SEMA4B: variants seen among roughly 807,000 people sequenced by gnomAD.
The protein encoded by SEMA4B is semaphorin 4B.
Under a neutral mutation model 88.1 loss-of-function variants are expected in SEMA4B, and 55 were observed. The observed-to-expected ratio is 0.62, with a 90% confidence interval of 0.50 to 0.78. The LOEUF (loss-of-function observed/expected upper bound fraction) is 0.78. Among genes scored for constraint, SEMA4B ranks in the 30% least tolerant of loss-of-function variants. SEMA4B has a pLI of 0.00. For missense variants in SEMA4B, 1,062 were observed against 1,111.9 expected (o/e 0.96, Z 0.64); for synonymous variants, 525 against 473.6 (o/e 1.11, Z -1.41).
At chr15:90,194,051 C>T (rs181787486) in intron 1 of SEMA4B, among the ~76,000 whole-genome samples, 2 of 151,884 alleles carry the variant, frequency 1.3e-5, no homozygotes, top group Non-Finnish European at 2.9e-5. Context: ...AGCGTTTCAT[C>T]ATGTTGGCCA....
upstream of SEMA4B, among the ~76,000 whole-genome samples, chr15:90,198,392 A>C (rs960384844): frequency 6.6e-6 from 1 of 152,206 alleles, no homozygotes; most frequent in African/African-American, 2.4e-5. Context: ...GAGATACATT[A>C]CTTAACAAAC....
chr15:90,227,545 T>C lies in SEMA4B; in HGVS notation c.1689-12T>C. 1 of 1,613,572 alleles carries C rather than the reference T, an allele frequency of 6.2e-7. No homozygotes were observed. On this transcript the variant is annotated splice_polypyrimidine_tract_variant and intron_variant, in intron 12 of 13. Transcript: ENST00000411539. ...CTTCCTGGCCAATCCCAGAATTCTC[T>C]CTGGCCCTCAGGCCGTGGATCCAGG...
At chr15:90,214,447 G>T (rs1316082878) in intron 1 of SEMA4B, among the ~76,000 whole-genome samples, 1 of 151,730 alleles carries the variant, frequency 6.6e-6, no homozygotes, top group Non-Finnish European at 1.5e-5. Context: ...AGACCAGCCT[G>T]ACCAACATGG....
chr15:90,228,094 G>A lies in SEMA4B; in HGVS notation c.1965G>A (p.Gln655=), dbSNP rs374040192. 12 of 1,612,782 alleles carry A rather than the reference G, an allele frequency of 7.4e-6. No individual in the cohort carries two copies. The East Asian group carries it at 1.1e-4, about 15-fold the overall frequency. The change falls in exon 14 of 14, where the codon CAG becomes CAA. Residue 655 remains glutamine, a synonymous_variant. Coordinates refer to ENST00000411539, the MANE Select transcript of SEMA4B (RefSeq NM_198925.4). The stretch of plus-strand genomic sequence containing the variant: ...GCACCCAACAGCTGGGGGAGTTCCA[G>A]TGCTGGTCACTAGAGGAGGGCTTCC... ...LVGTQQLGEF[Q]CWSLEEGFQQ...
intron 7 of SEMA4B, among the ~76,000 whole-genome samples, 175 bp downstream of exon 7, chr15:90,221,940 T>C (rs1218412870): frequency 6.6e-6 from 1 of 151,890 alleles, no homozygotes; most frequent in Non-Finnish European, 1.5e-5. Context: ...TTTCTTTTTT[T>C]TTTTTCTTTT....
intron 4 of SEMA4B, chr15:90,220,095 G>C (rs1176471524): frequency 1.9e-6 from 1 of 533,930 alleles, no homozygotes; most frequent in African/African-American, 1.9e-5. Context: ...TGTGCGGGGA[G>C]GCGGGGGCAC....
chr15:90,228,623 A>T lies in SEMA4B; in HGVS notation c.2494A>T (p.Ile832Phe). 6.2e-7 allele frequency: 1 copy of T among 1,613,290 alleles called. No homozygotes were observed. Among genetic ancestry groups the T allele is most frequent in the Non-Finnish European group, 8.5e-7 (1 of 1,179,864 alleles). The change falls in exon 14 of 14, where the codon ATC (isoleucine) becomes TTC (phenylalanine). Residue 832 changes from isoleucine to phenylalanine, a missense_variant. Transcript: ENST00000411539. ...GCCCCGGGTCCGCCTTGGCTCGGAGATCCGTGACTCTGTGGTGTGAGAGCT... is the reference window on the plus strand; with the variant it reads ...GCCCCGGGTCCGCCTTGGCTCGGAGTTCCGTGACTCTGTGGTGTGAGAGCT... ...PRPRVRLGSE[I>F]RDSVV
At chr15:90,208,604 C>T (rs1037350045) in intron 1 of SEMA4B, among the ~76,000 whole-genome samples, 5 of 152,106 alleles carry the variant, frequency 3.3e-5, no homozygotes, top group South Asian at 2.1e-4. Flanking sequence ...AGAATTTGTT[C>T]GGGGTTGCAC....
intron 1 of SEMA4B, among the ~76,000 whole-genome samples, chr15:90,216,763 G>C (rs8029448): frequency 0.29 from 44,171 of 152,022 alleles, 6,851 homozygotes; most frequent in Non-Finnish European, 0.34. Flanking sequence ...AGAATCACTT[G>C]AACCTAGGAG....
intron 1 of SEMA4B, among the ~76,000 whole-genome samples, chr15:90,189,540 A>G (rs1285913516): frequency 1.3e-5 from 2 of 152,232 alleles, no homozygotes; most frequent in African/African-American, 4.8e-5. Flanking sequence ...TAGGTGCTCA[A>G]TAAATATTAA....
At chr15:90,208,889 A>T (rs1433157702) in intron 1 of SEMA4B, among the ~76,000 whole-genome samples, 1 of 152,014 alleles carries the variant, frequency 6.6e-6, no homozygotes, top group African/African-American at 2.4e-5. Flanking sequence ...CCTCAGGCAT[A>T]TGCCACCATG....
At chr15:90,215,505 A>G (rs1009941676) in intron 1 of SEMA4B, among the ~76,000 whole-genome samples, 1 of 152,216 alleles carries the variant, frequency 6.6e-6, no homozygotes, top group African/African-American at 2.4e-5. Flanking sequence ...TGCAAAAACA[A>G]AAGCTACTTA....
chr15:90,191,489 G>A (rs545708740), intron 1 of SEMA4B, among the ~76,000 whole-genome samples: 3 of 152,290 alleles, frequency 2.0e-5, no homozygotes, highest in Admixed American at 6.5e-5. Flanking sequence ...GTTGCCCGTG[G>A]CTTTATATGT....
Position 90,225,745 on chromosome 15 carries a change from C to T in SEMA4B, c.1606C>T (p.Leu536Phe). 1 of 1,576,398 alleles carries T rather than the reference C, an allele frequency of 6.3e-7. No homozygotes were observed. ...CSLYRSCGDCLLARDPYCAWS... is the reference protein window; with the variant it reads ...CSLYRSCGDCFLARDPYCAWS... Reference sequence around the variant, plus strand: ...CCTGTACAGGAGCTGTGGGGACTGCCTCCTCGCCCGGGACCCCTACTGTGC... The same window carrying T: ...CCTGTACAGGAGCTGTGGGGACTGCTTCCTCGCCCGGGACCCCTACTGTGC... Residue 536 changes from leucine to phenylalanine, a missense_variant, in exon 12 of 14, where the codon CTC (leucine) becomes TTC (phenylalanine). By Grantham distance (22) the Leu-to-Phe change is conservative. Coordinates refer to ENST00000411539, the MANE Select transcript of SEMA4B (RefSeq NM_198925.4).
At chr15:90,188,731 T>A (rs527882148) in intron 1 of SEMA4B, among the ~76,000 whole-genome samples, 1 of 152,150 alleles carries the variant, frequency 6.6e-6, no homozygotes, top group Non-Finnish European at 1.5e-5. Flanking sequence ...GCAGTGGCGC[T>A]ATCTCGGCTC....
chr15:90,195,808 C>T (rs1960480419), intron 1 of SEMA4B, among the ~76,000 whole-genome samples: 1 of 151,862 alleles, frequency 6.6e-6, no homozygotes, highest in Non-Finnish European at 1.5e-5. Context: ...CGGAGTTTTG[C>T]CGTGTTGCCC....
chr15:90,195,927 T>C (rs866091047), intron 1 of SEMA4B, among the ~76,000 whole-genome samples: 6 of 99,774 alleles, frequency 6.0e-5, no homozygotes, highest in Non-Finnish European at 1.8e-5. Context: ...TACTTCTCTT[T>C]TTTTTTTTTT....
chr15:90,220,136 C>T (rs1359005760), intron 4 of SEMA4B: 34 of 474,892 alleles, frequency 7.2e-5, no homozygotes, highest in Non-Finnish European at 8.2e-5. Flanking sequence ...AGATCCTGTG[C>T]CACCCAGGCC....
intron 1 of SEMA4B, among the ~76,000 whole-genome samples, chr15:90,208,645 C>G (rs1265079418): frequency 6.6e-6 from 1 of 152,200 alleles, no homozygotes; most frequent in African/African-American, 2.4e-5. Context: ...AGGATTCACA[C>G]ACATGTCTTG....
Sources: allele counts gnomAD v4.1 joint callset (sites outside exome capture counted in the v4.1 genomes callset), GRCh38; gene constraint gnomAD v4.1.1; transcripts MANE v1.5; gene names NCBI Gene and HGNC (gene_info 2026-07-23, HGNC 2026-07-21).